The following NAALADL2 variants were observed in gnomAD, a reference collection of about 807,000 sequenced individuals.
NAALADL2 encodes the protein inactive N-acetylated-alpha-linked acidic dipeptidase-like protein 2.
A neutral mutation model predicts 87.2 loss-of-function variants in NAALADL2; 76 were observed. The ratio of observed to expected loss-of-function variants is 0.87; its 90% CI spans 0.72 to 1.05. NAALADL2 has a LOEUF of 1.05. NAALADL2 is among the 50% of genes least tolerant of loss of function. NAALADL2 has a pLI of 0.00. For synonymous variants in NAALADL2, 354 were observed against 331.0 expected (o/e 1.07, Z -0.75); for missense variants, 1,089 against 945.8 (o/e 1.15, Z -1.99).
At chr3:175,077,862 A>C (rs549434172) in intron 1 of NAALADL2, among the ~76,000 whole-genome samples, 1 of 152,224 alleles carries the variant, frequency 6.6e-6, no homozygotes, top group African/African-American at 2.4e-5. Flanking sequence ...GACTACAGGA[A>C]GTGAAAGCAA....
chr3:174,470,925 G>T (rs1341117771), intron 1 of NAALADL2, among the ~76,000 whole-genome samples: 1 of 151,930 alleles, frequency 6.6e-6, no homozygotes, highest in Non-Finnish European at 1.5e-5. Flanking sequence ...CATTTTGGTT[G>T]TTTTCAATTT....
intron 2 of NAALADL2, among the ~76,000 whole-genome samples, chr3:175,191,274 A>G (rs758116213): frequency 6.6e-6 from 1 of 152,230 alleles, no homozygotes; most frequent in Non-Finnish European, 1.5e-5. Context: ...AATCCCAAAT[A>G]TTATAGCCAA....
intron 3 of NAALADL2, among the ~76,000 whole-genome samples, chr3:174,823,518 C>T (rs1721650581): frequency 1.3e-5 from 2 of 152,084 alleles, no homozygotes; most frequent in Non-Finnish European, 2.9e-5. Context: ...ACTAGGAATG[C>T]ATTGGTCAAC....
chr3:175,282,043 A>C (rs1397346499), intron 4 of NAALADL2, among the ~76,000 whole-genome samples: 1 of 152,034 alleles, frequency 6.6e-6, no homozygotes, highest in African/African-American at 2.4e-5. Flanking sequence ...TACTTCACCA[A>C]AATTAAGGAA....
At chr3:175,006,849 T>C (rs868525670) in intron 1 of NAALADL2, among the ~76,000 whole-genome samples, 33 of 151,616 alleles carry the variant, frequency 2.2e-4, no homozygotes, top group African/African-American at 7.3e-4. Context: ...TTGAGCCTTT[T>C]CTTTTTGGAT....
chr3:174,640,760 A>C (rs1306511703), intron 2 of NAALADL2, among the ~76,000 whole-genome samples: 1 of 152,194 alleles, frequency 6.6e-6, no homozygotes, highest in Non-Finnish European at 1.5e-5. Context: ...TTGAGGCATA[A>C]AAAAGGCAAT....
At chr3:175,441,146 T>C (rs907540311) in intron 5 of NAALADL2, among the ~76,000 whole-genome samples, 2 of 152,066 alleles carry the variant, frequency 1.3e-5, no homozygotes, top group African/African-American at 4.8e-5. Context: ...ATCCAGGTGT[T>C]TCACATCCAT....
In NAALADL2 at chr3:175,755,249, GCCATGGCGTTACGC is replaced by G. The variant is rs765439957; in HGVS notation, c.2022_2035del (p.Met675AlafsTer5). Reference sequence around the variant, plus strand: ...TCAACCCAACACTCATCAACTGTTAGCCATGGCGTTACGCCTGCGGGAGAGTGCTGAACTTTTTC... The same window carrying G: ...TCAACCCAACACTCATCAACTGTTAGCTGCGGGAGAGTGCTGAACTTTTTC... On this transcript the variant is annotated frameshift_variant, in exon 13 of 14. Coordinates refer to ENST00000454872, the MANE Select transcript of NAALADL2 (RefSeq NM_207015.3). LOFTEE classifies it high-confidence loss of function. The G allele has an allele frequency of 2.5e-6, 4 of 1,613,268 alleles. No individual in the cohort carries two copies. In the Admixed American group the frequency reaches 6.7e-5, roughly 27 times the overall value.
At position 174,975,863 on chromosome 3, in the gene NAALADL2, T is replaced by A. The variant is rs533819857; in HGVS notation, c.43+116413T>A. ...AACTAAATTCTGCCAATAAGCTGAA[T>A]GAGCTTAGAAGAGGACTCCTAAGTC... is the stretch of plus-strand genomic sequence containing the variant. On this transcript the variant is annotated intron_variant, in intron 1 of 13. Coordinates refer to ENST00000454872, the MANE Select transcript of NAALADL2 (RefSeq NM_207015.3). 3.3e-5 allele frequency among the ~76,000 whole-genome samples: 5 copies of A among 152,320 alleles called. No homozygotes were observed. The South Asian group carries it at 1.0e-3, about 32-fold the overall frequency.
intron 2 of NAALADL2, among the ~76,000 whole-genome samples, chr3:174,651,294 G>C (rs141301250): frequency 6.6e-6 from 1 of 152,232 alleles, no homozygotes; most frequent in Middle Eastern, 3.4e-3. Flanking sequence ...TAGGCTATTG[G>C]CTTTTAGAAA....
intron 9 of NAALADL2, among the ~76,000 whole-genome samples, chr3:175,510,717 T>G (rs1447135058): frequency 6.6e-6 from 1 of 152,166 alleles, no homozygotes; most frequent in Non-Finnish European, 1.5e-5. Flanking sequence ...GGGACAAAAC[T>G]ATGAAATCAT....
chr3:175,251,837 G>T (rs940428407), intron 3 of NAALADL2, among the ~76,000 whole-genome samples: 12 of 152,210 alleles, frequency 7.9e-5, no homozygotes, highest in Admixed American at 7.8e-4. Flanking sequence ...TTTTATTATT[G>T]CCTGCAAATC....
chr3:175,150,663 G>T (rs1028141781), intron 2 of NAALADL2, among the ~76,000 whole-genome samples: 1 of 152,108 alleles, frequency 6.6e-6, no homozygotes, highest in Non-Finnish European at 1.5e-5. Context: ...TCATTTTTAA[G>T]GGATATAAAG....
chr3:175,387,101 A>C lies in NAALADL2; in HGVS notation c.1091-60128A>C, dbSNP rs867575101. 1.5e-3 allele frequency among the ~76,000 whole-genome samples: 235 copies of C among 152,240 alleles called. 1 individual carries two copies. Among genetic ancestry groups the C allele is most frequent in the African/African-American group, 5.3e-3 (222 of 41,550 alleles). On this transcript the variant is annotated intron_variant, in intron 5 of 13. Transcript: ENST00000454872. The stretch of plus-strand genomic sequence containing the variant: ...TTTTACTACTTTTGCTTTGTACTTC[A>C]AACTGCAAAAGTAACAGCCACAATA...
intron 1 of NAALADL2, among the ~76,000 whole-genome samples, chr3:174,883,675 G>A (rs537897300): frequency 3.9e-5 from 6 of 152,260 alleles, no homozygotes; most frequent in Admixed American, 1.3e-4. Context: ...AGCTGGTCAC[G>A]TGGTTGTAGC....
Position 174,711,756 on chromosome 3 carries a change from G to A in NAALADL2, c.-114-25885G>A, listed in dbSNP as rs565236594. Among the ~76,000 whole-genome samples, 5 of 152,238 alleles carry A rather than the reference G, an allele frequency of 3.3e-5. No individual in the cohort carries two copies. The East Asian group carries it at 9.7e-4, about 29-fold the overall frequency. On this transcript the variant is annotated intron_variant, in intron 2 of 3. Coordinates refer to the NAALADL2 transcript ENST00000434257. ...TTCTGCATGAGGTTTCTGTATCTCT[G>A]TATTTTATTATAGTGCAAGGAACAT...
chr3:175,028,627 A>G (rs976631064), intron 1 of NAALADL2, among the ~76,000 whole-genome samples: 2 of 152,074 alleles, frequency 1.3e-5, no homozygotes, highest in African/African-American at 2.4e-5. Context: ...AAAATTTTAT[A>G]CATTAAAATG....
intron 11 of NAALADL2, among the ~76,000 whole-genome samples, chr3:175,650,559 C>G (rs1338853211): frequency 6.6e-6 from 1 of 152,102 alleles, no homozygotes; most frequent in Non-Finnish European, 1.5e-5. Flanking sequence ...CTCCCTGCAT[C>G]ATTTCAGTAC....
chr3:175,481,369 A>G (rs1189635635), intron 9 of NAALADL2, among the ~76,000 whole-genome samples: 6 of 137,754 alleles, frequency 4.4e-5, no homozygotes, highest in Admixed American at 1.4e-4. Flanking sequence ...GTGTGTGTAT[A>G]TAGCTGTGTC....
Sources: gnomAD v4.1 joint callset for allele counts (sites outside exome capture counted in the v4.1 genomes callset) on GRCh38, gnomAD v4.1.1 for gene constraint, MANE v1.5 for transcripts, NCBI Gene and HGNC (gene_info 2026-07-23, HGNC 2026-07-21) for gene names.